The following FANCC variants were observed in gnomAD, a reference collection of about 807,000 sequenced individuals.
The protein encoded by FANCC is Fanconi anemia group C protein.
A neutral mutation model predicts 71.3 loss-of-function variants in FANCC; 55 were observed. The ratio of observed to expected loss-of-function variants is 0.77; its 90% CI spans 0.62 to 0.97. FANCC has a LOEUF of 0.97. Among genes scored for constraint, FANCC ranks in the 50% least tolerant of loss-of-function variants. FANCC has a pLI of 0.00. For missense variants in FANCC, 678 were observed against 670.9 expected, an observed-to-expected ratio of 1.01 and a Z score of -0.12; for synonymous variants, 275 against 244.9, an observed-to-expected ratio of 1.12 and a Z score of -1.15.
intron 4 of FANCC, among the ~76,000 whole-genome samples, chr9:95,183,275 AC>A (rs1156443918): frequency 6.6e-6 from 1 of 151,928 alleles, no homozygotes; most frequent in Non-Finnish European, 1.5e-5. Flanking sequence ...CTCTCCCTGC[AC>A]CTTCCAAGGT....
At chr9:95,224,413 T>G (rs999921585) in intron 4 of FANCC, among the ~76,000 whole-genome samples, 8 of 152,104 alleles carry the variant, frequency 5.3e-5, no homozygotes, top group Non-Finnish European at 2.9e-5. Context: ...ATATCTACCT[T>G]CATGGAGTTG....
intron 3 of FANCC, among the ~76,000 whole-genome samples, chr9:95,246,313 G>A (rs1830976730): frequency 2.0e-5 from 3 of 152,188 alleles, no homozygotes; most frequent in Non-Finnish European, 2.9e-5. Flanking sequence ...GTCCACGCAC[G>A]CCTGCTCACA....
intron 6 of FANCC, among the ~76,000 whole-genome samples, chr9:95,151,041 A>G (rs1830141271): frequency 6.6e-6 from 1 of 152,232 alleles, no homozygotes; most frequent in Non-Finnish European, 1.5e-5. Context: ...GCTGGCGGCT[A>G]CAGTACCGAA....
intron 4 of FANCC, among the ~76,000 whole-genome samples, chr9:95,227,501 C>T (rs1483648932): frequency 1.3e-5 from 2 of 152,154 alleles, no homozygotes; most frequent in Non-Finnish European, 2.9e-5. Context: ...AGACAGGAGA[C>T]GACTGACAGA....
At chr9:95,304,236 C>G (rs191522324) in intron 1 of FANCC, among the ~76,000 whole-genome samples, 2 of 151,776 alleles carry the variant, frequency 1.3e-5, no homozygotes, top group African/African-American at 4.8e-5. Flanking sequence ...AGGGAGAAAA[C>G]AAAGAAAGAA....
Position 95,101,311 on chromosome 9 carries a change from T to C in FANCC, c.*396A>G. The C allele has an allele frequency of 3.0e-6, 1 of 338,892 alleles. No individual in the cohort carries two copies. The highest frequency in any genetic ancestry group is 5.5e-6 in the Non-Finnish European group (1 of 181,140). 21.0% of individuals were successfully genotyped at this position (338,892 alleles called of 1,614,324 possible). A position where few individuals can be genotyped will look rare whatever the true frequency, so the allele number is the denominator to read the frequency against. On this transcript the variant is annotated 3_prime_UTR_variant, in exon 15 of 15. Transcript: ENST00000289081. ...AAAGAGCTAAGTTCTCTCTAAATTC[T>C]TTAATGGTTCATGACCAAATTCTTG... is the stretch of plus-strand genomic sequence containing the variant.
At chr9:95,201,161 C>T (rs571546833) in intron 4 of FANCC, among the ~76,000 whole-genome samples, 16 of 152,228 alleles carry the variant, frequency 1.1e-4, no homozygotes, top group African/African-American at 3.9e-4. Context: ...ATTTGACTTG[C>T]TTCCTTTTTA....
At chr9:95,186,641 T>A (rs1468232767) in intron 4 of FANCC, 1 of 152,202 alleles carries the variant, frequency 6.6e-6, no homozygotes, top group Non-Finnish European at 1.5e-5. Context: ...TCAGTATAAT[T>A]CCACCTATGT....
chr9:95,220,328 GA>G (rs1180094653), intron 4 of FANCC, among the ~76,000 whole-genome samples: 1 of 152,222 alleles, frequency 6.6e-6, no homozygotes, highest in Non-Finnish European at 1.5e-5. Context: ...CAAGGATCTA[GA>G]ACTAGAAATA....
rs138722298 is a variant in FANCC, at chr9:95,247,449, G to A, written c.233C>T (p.Pro78Leu). 6.2e-7 allele frequency: 1 copy of A among 1,612,892 alleles called. No homozygotes were observed. Among genetic ancestry groups the A allele is most frequent in the Non-Finnish European group, 8.5e-7 (1 of 1,179,100 alleles). Residue 78 changes from proline to leucine, a missense_variant, in exon 3 of 15, where the codon CCT becomes CTT. Physicochemically the swap from Pro to Leu is moderately conservative, Grantham distance 98 (BLOSUM62 -3). Transcript: ENST00000289081. Reference protein sequence around the residue: ...GQLLAKACWNPFILAYDESQK... With the variant: ...GQLLAKACWNLFILAYDESQK... Reference sequence around the variant, plus strand: ...ATTCTTACCATATGCTAAAATAAAAGGATTCCAACAAGCTTTTGCCAACAG... The same window carrying A: ...ATTCTTACCATATGCTAAAATAAAAAGATTCCAACAAGCTTTTGCCAACAG...
chr9:95,149,977 G>C lies in FANCC; in HGVS notation c.632C>G (p.Pro211Arg), dbSNP rs140781259. ...EALLICHGREPQEILQPEFFE... is the reference protein window; with the variant it reads ...EALLICHGRERQEILQPEFFE... ...GAACTCTGGCTGGAGGATTTCCTGA[G>C]GTTCACGTCCATGACAGATGAGGAG... Residue 211 changes from proline (P) to arginine (R), a missense_variant, in exon 7 of 15, where the codon CCT (proline) becomes CGT (arginine). Pro to Arg is a moderately radical substitution (Grantham distance 103). Coordinates refer to ENST00000289081, the MANE Select transcript of FANCC (RefSeq NM_000136.3). The C allele has an allele frequency of 1.2e-3, 2,000 of 1,613,068 alleles. 2 individuals are homozygous for C. The highest frequency in any genetic ancestry group is 1.2e-3 in the Non-Finnish European group (1,422 of 1,179,650).
intron 3 of FANCC, among the ~76,000 whole-genome samples, chr9:95,241,519 G>C (rs1360796216): frequency 6.6e-6 from 1 of 152,026 alleles, no homozygotes; most frequent in South Asian, 2.1e-4. Context: ...ACAAAAATGG[G>C]GCCTAGAAAC....
chr9:95,160,485 T>G lies in FANCC; in HGVS notation c.522-10398A>C, dbSNP rs530353268. On this transcript the variant is annotated intron_variant, in intron 6 of 14. Transcript: ENST00000289081. ...ATGATGCCTCCAGCTTTGTTCTTTT[T>G]GCTTAGGATTGTCTTGGCAATGTGG... Among the ~76,000 whole-genome samples, 7 of 152,308 alleles carry G rather than the reference T, an allele frequency of 4.6e-5. No homozygotes were observed. In the East Asian group the frequency reaches 1.2e-3, roughly 25 times the overall value.
chr9:95,291,871 C>A (rs1247564178), intron 1 of FANCC, among the ~76,000 whole-genome samples: 1 of 146,314 alleles, frequency 6.8e-6, no homozygotes, highest in East Asian at 2.0e-4. Context: ...TCTCTTGAAC[C>A]CAGGAGGTGG....
intron 2 of FANCC, among the ~76,000 whole-genome samples, chr9:95,248,584 TAAC>T (rs907497708): frequency 7.9e-5 from 12 of 152,038 alleles, no homozygotes; most frequent in South Asian, 2.1e-4. Context: ...GCTCATAATA[TAAC>T]AACATGTGCT....
chr9:95,295,738 G>T (rs1448525058), intron 1 of FANCC, among the ~76,000 whole-genome samples: 1 of 150,078 alleles, frequency 6.7e-6, no homozygotes, highest in African/African-American at 2.5e-5. Flanking sequence ...ACTCATTCCA[G>T]CCTGGGCAAC....
chr9:95,168,431 T>C (rs1378205776), intron 6 of FANCC, among the ~76,000 whole-genome samples: 1 of 152,272 alleles, frequency 6.6e-6, no homozygotes, highest in Non-Finnish European at 1.5e-5. Context: ...AGTCTTCCTT[T>C]ATCTGCAGTT....
chr9:95,188,213 C>A lies in FANCC; in HGVS notation c.346-16066G>T, dbSNP rs560573633. On this transcript the variant is annotated intron_variant, in intron 4 of 14. Transcript: ENST00000289081. ...TTATCACTGCCAATACTAAACTGAA[C>A]TCTTTTCTATCTCCCACAAGAGATG... Among the ~76,000 whole-genome samples, 4 of 152,296 alleles carry A rather than the reference C, an allele frequency of 2.6e-5. No homozygotes were observed. The South Asian group carries it at 8.3e-4, about 32-fold the overall frequency.
At chr9:95,266,525 T>C (rs1176095387) in intron 1 of FANCC, among the ~76,000 whole-genome samples, 1 of 152,218 alleles carries the variant, frequency 6.6e-6, no homozygotes, top group Non-Finnish European at 1.5e-5. Context: ...TCTGTTCTTT[T>C]ATAATATCTC....
Sources: gnomAD v4.1 joint callset for allele counts (sites outside exome capture counted in the v4.1 genomes callset) on GRCh38, gnomAD v4.1.1 for gene constraint, MANE v1.5 for transcripts, NCBI Gene and HGNC (gene_info 2026-07-23, HGNC 2026-07-21) for gene names.